CERS5: variants seen among roughly 807,000 people sequenced by gnomAD.
The protein encoded by CERS5 is LAG1 homolog, ceramide synthase 5.
CERS5 carries 37 observed loss-of-function variants against 58.9 expected under a neutral mutation model. That is an observed-to-expected ratio of 0.63 (90% CI 0.48 to 0.83). CERS5 has a LOEUF of 0.83. CERS5 is among the 40% of genes least tolerant of loss of function. The probability of loss-of-function intolerance (pLI) is 0.00; values close to 1 mark genes in which losing one functional copy is unlikely to be tolerated. For synonymous variants in CERS5, 147 were observed against 177.8 expected, an observed-to-expected ratio of 0.83 and a Z score of 1.38; for missense variants, 398 against 489.3, an observed-to-expected ratio of 0.81 and a Z score of 1.76.
At chr12:50,144,510 A>G (rs1286872657) in intron 1 of CERS5, 2 of 337,630 alleles carry the variant, frequency 5.9e-6, no homozygotes, top group Middle Eastern at 8.3e-4. Context: ...AATAAATGGC[A>G]GTTTCCTTAC....
chr12:50,162,396 G>A (rs932275792), intron 1 of CERS5, among the ~76,000 whole-genome samples: 33 of 152,134 alleles, frequency 2.2e-4, no homozygotes, highest in African/African-American at 8.0e-4. Flanking sequence ...AAAAGCTGAA[G>A]GATGTTTCTA....
At chr12:50,150,042 A>C (rs1937778100) in intron 1 of CERS5, among the ~76,000 whole-genome samples, 1 of 152,220 alleles carries the variant, frequency 6.6e-6, no homozygotes, top group Admixed American at 6.5e-5. Context: ...ATACTCAGCC[A>C]CAAATGTTAT....
chr12:50,154,285 G>A (rs529668434), intron 1 of CERS5: 13 of 331,432 alleles, frequency 3.9e-5, no homozygotes, highest in South Asian at 1.5e-4. Context: ...CCAGGGAGTC[G>A]AAGGTTGCAG....
At chr12:50,143,032 C>T (rs758704579) in intron 3 of CERS5, 42 bp downstream of exon 3, 61 of 1,553,924 alleles carry the variant, frequency 3.9e-5, no homozygotes, top group Non-Finnish European at 5.1e-5. Flanking sequence ...AGTTGTATCC[C>T]ACCGTCTTCC....
At chr12:50,151,559 A>G (rs1937959881) in intron 1 of CERS5, among the ~76,000 whole-genome samples, 1 of 152,108 alleles carries the variant, frequency 6.6e-6, no homozygotes, top group Non-Finnish European at 1.5e-5. Context: ...TCATCTGTAA[A>G]ATGAGGATAA....
rs1349466195 is a variant in CERS5 at position 50,137,723 on chromosome 12, C to T, written c.636+5G>A. Reference sequence around the variant, plus strand: ...TTGGGGAATTGAGGGAGCCAACGTCCTTACCTTTCTTTTAATGTCTGTAAA... The same window carrying T: ...TTGGGGAATTGAGGGAGCCAACGTCTTTACCTTTCTTTTAATGTCTGTAAA... On this transcript the variant is annotated splice_donor_5th_base_variant and intron_variant, in intron 6 of 9. Coordinates refer to ENST00000317551, the MANE Select transcript of CERS5 (RefSeq NM_147190.5). 1 of 1,560,232 alleles carries T rather than the reference C, an allele frequency of 6.4e-7. No homozygotes were observed. Among genetic ancestry groups the T allele is most frequent in the Non-Finnish European group, 8.8e-7 (1 of 1,134,706 alleles).
chr12:50,163,610 C>T (rs1592455189), intron 1 of CERS5, among the ~76,000 whole-genome samples: 2 of 152,268 alleles, frequency 1.3e-5, no homozygotes, highest in East Asian at 1.9e-4. Context: ...GCAGCAGGAT[C>T]GCTTGAGGCC....
chr12:50,167,023 C>T (rs1011412865), intron 1 of CERS5, 78 bp downstream of exon 1: 3 of 1,177,198 alleles, frequency 2.5e-6, no homozygotes, highest in Non-Finnish European at 3.5e-6. Flanking sequence ...AGTTCTGCTT[C>T]CGGCCCTCGG....
Position 50,130,441 on chromosome 12 carries a change from G to T in CERS5, c.*104C>A. On this transcript the variant is annotated 3_prime_UTR_variant, in exon 10 of 10. Coordinates refer to ENST00000317551, the MANE Select transcript of CERS5 (RefSeq NM_147190.5). ...CTTCTTTGATACTCCTCAGTGCCTTGCAGTCTCCCAATCACAGAAGAGTAG... is the reference window on the plus strand; with the variant it reads ...CTTCTTTGATACTCCTCAGTGCCTTTCAGTCTCCCAATCACAGAAGAGTAG... 9.2e-7 allele frequency: 1 copy of T among 1,089,344 alleles called. No homozygotes were observed. The highest frequency in any genetic ancestry group is 1.3e-6 in the Non-Finnish European group (1 of 783,916). 67.5% of individuals were successfully genotyped at this position (1,089,344 alleles called of 1,614,324 possible). A position where few individuals can be genotyped will look rare whatever the true frequency, so the allele number is the denominator to read the frequency against.
intron 1 of CERS5, among the ~76,000 whole-genome samples, chr12:50,155,086 G>A (rs1284392745): frequency 6.6e-6 from 1 of 152,012 alleles, no homozygotes; most frequent in Non-Finnish European, 1.5e-5. Flanking sequence ...TTGAACTCCT[G>A]ACCTCAGGTG....
chr12:50,155,437 G>C (rs1194298343), intron 1 of CERS5, among the ~76,000 whole-genome samples: 1 of 151,394 alleles, frequency 6.6e-6, no homozygotes, highest in East Asian at 1.9e-4. Flanking sequence ...TCCTTTGAGG[G>C]CCATTAAAAA....
At chr12:50,131,353 G>GT (rs1011816795) in intron 9 of CERS5, among the ~76,000 whole-genome samples, 1 of 152,122 alleles carries the variant, frequency 6.6e-6, no homozygotes, top group African/African-American at 2.4e-5. Context: ...AAGGTCAGGA[G>GT]TTTGAGACCA....
chr12:50,138,020 C>G (rs1951777965), intron 5 of CERS5, among the ~76,000 whole-genome samples, 200 bp from the exon 6 acceptor site: 1 of 152,222 alleles, frequency 6.6e-6, no homozygotes, highest in African/African-American at 2.4e-5. Flanking sequence ...TCTGCACACA[C>G]ATCTTCAGCT....
At chr12:50,135,131 GGGAGGGAGAGAGAGA>G (rs1951569563) in intron 8 of CERS5, among the ~76,000 whole-genome samples, 1 of 85,378 alleles carries the variant, frequency 1.2e-5, no homozygotes, top group Non-Finnish European at 2.3e-5. Context: ...AGAGAGGAGA[GGGAGGGAGAGAGAGA>G]GGAGGGAGGG....
rs1483128060 is a variant in CERS5, at chr12:50,159,744, C to A, written c.197+7357G>T. 2.6e-5 allele frequency among the ~76,000 whole-genome samples: 4 copies of A among 151,960 alleles called. No individual in the cohort carries two copies. The South Asian group carries it at 8.3e-4, about 32-fold the overall frequency. On this transcript the variant is annotated intron_variant, in intron 1 of 9. Coordinates refer to ENST00000317551, the MANE Select transcript of CERS5 (RefSeq NM_147190.5). ...GAGTAGCTGGGATTACAGGTGCCTA[C>A]CACCACACCCAGCTAATTTTTGTAT...
chr12:50,155,865 G>A (rs1034141088), intron 1 of CERS5, among the ~76,000 whole-genome samples: 44 of 151,950 alleles, frequency 2.9e-4, no homozygotes, highest in African/African-American at 1.1e-3. Context: ...CACTTTGGGA[G>A]GCCAAGGCGG....
chr12:50,166,323 CAAAAAAA>C (rs59606341), intron 1 of CERS5: 16 of 126,870 alleles, frequency 1.3e-4, no homozygotes, highest in South Asian at 2.4e-4. Flanking sequence ...AACTCTGTCT[CAAAAAAA>C]AAAAAAAAAA....
At chr12:50,148,886 C>T (rs552134710) in intron 1 of CERS5, among the ~76,000 whole-genome samples, 8 of 113,700 alleles carry the variant, frequency 7.0e-5, no homozygotes, top group East Asian at 2.8e-4. Context: ...GTTGGGGTGA[C>T]GGAGCGAGAC....
intron 1 of CERS5, among the ~76,000 whole-genome samples, chr12:50,149,702 G>A (rs910342700): frequency 2.0e-5 from 3 of 152,056 alleles, no homozygotes; most frequent in Non-Finnish European, 4.4e-5. Flanking sequence ...TGTAGTCTCT[G>A]GCCTCATATA....
Sources: allele counts gnomAD v4.1 joint callset (sites outside exome capture counted in the v4.1 genomes callset), GRCh38; gene constraint gnomAD v4.1.1; transcripts MANE v1.5; gene names NCBI Gene and HGNC (gene_info 2026-07-23, HGNC 2026-07-21).